Variants in FRYL observed in about 807,000 individuals in gnomAD.
The protein encoded by FRYL is protein furry homolog-like.
Under a neutral mutation model 351.2 loss-of-function variants are expected in FRYL, and 150 were observed. The observed-to-expected ratio is 0.43, with a 90% confidence interval of 0.37 to 0.49. FRYL has a LOEUF of 0.49. Among genes scored for constraint, FRYL ranks in the 20% least tolerant of loss-of-function variants. FRYL has a pLI of 0.00. For synonymous variants in FRYL, 1,153 were observed against 1,257.1 expected (o/e 0.92, Z 1.75); for missense variants, 3,036 against 3,619.3 (o/e 0.84, Z 4.13).
At chr4:48,602,253 A>C in intron 12 of FRYL, 132 bp from the exon 13 acceptor site, 1 of 588,992 alleles carries the variant, frequency 1.7e-6, no homozygotes, top group Non-Finnish European at 3.1e-6. Context: ...TCGTAATAAG[A>C]AATATAATCT....
rs1210109252 is a variant in FRYL at position 48,609,723 on chromosome 4, CCAAGTTAGTATT to C, written c.491+9_491+20del. 7.8e-7 allele frequency: 1 copy of C among 1,285,370 alleles called. No individual in the cohort carries two copies. Among genetic ancestry groups the C allele is most frequent in the Non-Finnish European group, 1.1e-6 (1 of 911,380 alleles). The allele number at this position is 1,285,370 out of a possible 1,614,324, so 79.6% of individuals were successfully genotyped here. A position where few individuals can be genotyped will look rare whatever the true frequency, so the allele number is the denominator to read the frequency against. Reference sequence around the variant, plus strand: ...TGGATTGCAAAAAAAGGCAACAATCCCAAGTTAGTATTTTACTTACCCTTCCTTATGTTTAAA... The same window carrying C: ...TGGATTGCAAAAAAAGGCAACAATCCTTACTTACCCTTCCTTATGTTTAAA... On this transcript the variant is annotated intron_variant, in intron 8 of 63. Coordinates refer to ENST00000358350, the MANE Select transcript of FRYL (RefSeq NM_015030.2).
chr4:48,646,887 A>G (rs1011949023), intron 3 of FRYL, among the ~76,000 whole-genome samples: 2 of 152,160 alleles, frequency 1.3e-5, no homozygotes, highest in African/African-American at 4.8e-5. Flanking sequence ...AGCACCAGGG[A>G]GGTCCAGGAG....
At chr4:48,564,824 C>A in intron 30 of FRYL, 109 bp downstream of exon 30, 1 of 596,924 alleles carries the variant, frequency 1.7e-6, no homozygotes, top group Non-Finnish European at 3.0e-6. Flanking sequence ...GCATATGATC[C>A]TAACCTATCT....
chr4:48,657,674 G>A (rs571373547), intron 3 of FRYL, among the ~76,000 whole-genome samples: 29 of 152,054 alleles, frequency 1.9e-4, no homozygotes, highest in Admixed American at 9.8e-4. Context: ...TGGCAAAGCA[G>A]AAAAATCTAA....
At chr4:48,656,897 C>G (rs1404981466) in intron 3 of FRYL, among the ~76,000 whole-genome samples, 1 of 151,988 alleles carries the variant, frequency 6.6e-6, no homozygotes, top group Admixed American at 6.6e-5. Flanking sequence ...TAGACTAACT[C>G]AATAGGCCCA....
chr4:48,538,031 T>C (rs1303047770), intron 47 of FRYL, among the ~76,000 whole-genome samples: 1 of 152,204 alleles, frequency 6.6e-6, no homozygotes, highest in Non-Finnish European at 1.5e-5. Flanking sequence ...GTCACTAAAA[T>C]ATTAAAATGA....
At chr4:48,623,296 T>A in intron 4 of FRYL, 117 bp from the exon 5 acceptor site, 1 of 604,044 alleles carries the variant, frequency 1.7e-6, no homozygotes. Flanking sequence ...TCGTTTTCAC[T>A]TGTTACTAGA....
intron 3 of FRYL, among the ~76,000 whole-genome samples, chr4:48,647,199 G>A (rs1250717317): frequency 2.0e-5 from 3 of 152,104 alleles, no homozygotes; most frequent in Non-Finnish European, 4.4e-5. Context: ...AGTGAGGTTG[G>A]GCTGATGGTA....
chr4:48,570,341 C>G (rs183541981), intron 27 of FRYL, among the ~76,000 whole-genome samples: 1 of 152,256 alleles, frequency 6.6e-6, no homozygotes, highest in East Asian at 1.9e-4. Context: ...TGGTGGAAAA[C>G]AGTTATGAAT....
At chr4:48,615,847 A>T (rs1247870535) in intron 7 of FRYL, among the ~76,000 whole-genome samples, 1 of 152,226 alleles carries the variant, frequency 6.6e-6, no homozygotes, top group Non-Finnish European at 1.5e-5. Context: ...GGAGAAAGAA[A>T]ATGTGGCACA....
chr4:48,583,911 A>G (rs1741494433), intron 19 of FRYL, among the ~76,000 whole-genome samples: 1 of 152,078 alleles, frequency 6.6e-6, no homozygotes, highest in Non-Finnish European at 1.5e-5. Flanking sequence ...TCTCAAAAAA[A>G]AAAGAAAAAA....
At chr4:48,601,800 T>C (rs1745766828) in intron 13 of FRYL, among the ~76,000 whole-genome samples, 1 of 152,158 alleles carries the variant, frequency 6.6e-6, no homozygotes, top group Non-Finnish European at 1.5e-5. Flanking sequence ...AATCTTGCAT[T>C]CATTAGGACA....
Position 48,780,180 on chromosome 4 carries a change from G to C in FRYL, c.-486C>G, listed in dbSNP as rs1334763357. The C allele has an allele frequency of 2.0e-5, 3 of 153,006 alleles. No homozygotes were observed. Among genetic ancestry groups the C allele is most frequent in the African/African-American group, 7.2e-5 (3 of 41,444 alleles). The allele number at this position is 153,006 out of a possible 1,614,324, so 9.5% of individuals were successfully genotyped here. A position where few individuals can be genotyped will look rare whatever the true frequency, so the allele number is the denominator to read the frequency against. On this transcript the variant is annotated 5_prime_UTR_variant, in exon 1 of 64. Transcript: ENST00000358350. ...CTTGACAATGGCGCGTCCCCTTTAAGGAATAATCCGATCGGAACCGATCTG... is the reference window on the plus strand; with the variant it reads ...CTTGACAATGGCGCGTCCCCTTTAACGAATAATCCGATCGGAACCGATCTG...
intron 1 of FRYL, among the ~76,000 whole-genome samples, chr4:48,738,420 C>G (rs1771673573): frequency 6.6e-6 from 1 of 152,104 alleles, no homozygotes; most frequent in African/African-American, 2.4e-5. Context: ...ACAAAAACTA[C>G]AAAACTCTGA....
At chr4:48,502,242 A>G (rs1719850281) in intron 61 of FRYL, among the ~76,000 whole-genome samples, 1 of 152,150 alleles carries the variant, frequency 6.6e-6, no homozygotes, top group Admixed American at 6.5e-5. Context: ...AAATGAAACT[A>G]TGAAATTAAC....
At chr4:48,556,394 CT>C (rs1734134630) in intron 35 of FRYL, among the ~76,000 whole-genome samples, 1 of 152,332 alleles carries the variant, frequency 6.6e-6, no homozygotes, top group East Asian at 1.9e-4. Flanking sequence ...CCTTTCTCCC[CT>C]GGAAGGCAAA....
At chr4:48,752,948 G>A (rs987214860) in intron 1 of FRYL, among the ~76,000 whole-genome samples, 2 of 152,120 alleles carry the variant, frequency 1.3e-5, no homozygotes, top group African/African-American at 4.8e-5. Context: ...CCTATCGTTG[G>A]AGTCCGTTAA....
intron 41 of FRYL, 30 bp from the exon 42 acceptor site, chr4:48,546,301 A>C (rs773843668): frequency 2.0e-6 from 3 of 1,517,192 alleles, no homozygotes; most frequent in Non-Finnish European, 2.7e-6. Flanking sequence ...ATGAATACCT[A>C]AAACATGAAA....
chr4:48,525,602 T>G (rs917755754), intron 53 of FRYL, among the ~76,000 whole-genome samples: 1 of 152,190 alleles, frequency 6.6e-6, no homozygotes, highest in African/African-American at 2.4e-5. Flanking sequence ...GATGAATGTG[T>G]ATAAGCTGTA....
Sources: gnomAD v4.1 joint callset for allele counts (sites outside exome capture counted in the v4.1 genomes callset) on GRCh38, gnomAD v4.1.1 for gene constraint, MANE v1.5 for transcripts, NCBI Gene and HGNC (gene_info 2026-07-23, HGNC 2026-07-21) for gene names.